Variants in VEGFC observed in about 807,000 individuals in gnomAD.
The protein encoded by VEGFC is vascular endothelial growth factor C.
VEGFC carries 12 observed loss-of-function variants against 46.1 expected under a neutral mutation model. The ratio of observed to expected loss-of-function variants is 0.26; its 90% CI spans 0.17 to 0.42. The LOEUF (loss-of-function observed/expected upper bound fraction) is 0.42, where lower values mean the gene tolerates loss of function less well. VEGFC is among the 10% of genes least tolerant of loss of function. The pLI is 1.00. For missense variants in VEGFC, 488 were observed against 529.4 expected (o/e 0.92, Z 0.77); for synonymous variants, 232 against 195.5 (o/e 1.19, Z -1.56).
chr4:176,687,933 G>A lies in VEGFC; in HGVS notation c.705-6C>T, dbSNP rs1406404035. 1.9e-6 allele frequency: 3 copies of A among 1,587,940 alleles called. No individual in the cohort carries two copies. The highest frequency in any genetic ancestry group is 2.2e-5 in the East Asian group (1 of 44,564). On this transcript the variant is annotated splice_region_variant and splice_polypyrimidine_tract_variant and intron_variant, in intron 4 of 6. Transcript: ENST00000618562. The stretch of plus-strand genomic sequence containing the variant: ...TCTTGTTCGCTGCCTGACACCTTTG[G>A]AAGAAACAGACGAGGTTTAGCAATG...
intron 2 of VEGFC, among the ~76,000 whole-genome samples, chr4:176,728,981 A>G (rs894955247): frequency 6.6e-6 from 1 of 152,160 alleles, no homozygotes; most frequent in African/African-American, 2.4e-5. Flanking sequence ...GATTACAGAC[A>G]TGAACCTCTG....
At chr4:176,791,498 AAACTT>A (rs1392006272) in intron 1 of VEGFC, among the ~76,000 whole-genome samples, 2 of 148,794 alleles carry the variant, frequency 1.3e-5, no homozygotes, top group Non-Finnish European at 3.0e-5. Context: ...AGAAAAAAAA[AAACTT>A]AGTTTGCAGT....
intron 1 of VEGFC, among the ~76,000 whole-genome samples, chr4:176,785,805 T>C (rs1253838779): frequency 8.5e-5 from 13 of 152,230 alleles, no homozygotes; most frequent in Admixed American, 7.8e-4. Context: ...TGAAGAACTA[T>C]TAAGCGGTGT....
At chr4:176,776,846 T>C (rs901661767) in intron 1 of VEGFC, among the ~76,000 whole-genome samples, 7 of 152,372 alleles carry the variant, frequency 4.6e-5, no homozygotes, top group Non-Finnish European at 7.3e-5. Context: ...AATGAACAAC[T>C]TAGACATGCT....
chr4:176,759,203 G>T (rs1735485110), intron 1 of VEGFC, among the ~76,000 whole-genome samples: 1 of 151,962 alleles, frequency 6.6e-6, no homozygotes, highest in Non-Finnish European at 1.5e-5. Flanking sequence ...CTACCCTTTG[G>T]AAAGACTTCT....
chr4:176,684,537 C>T (rs1284085891), intron 6 of VEGFC, among the ~76,000 whole-genome samples: 5 of 152,228 alleles, frequency 3.3e-5, no homozygotes, highest in Admixed American at 2.0e-4. Context: ...GGCTGCATGA[C>T]GGTGACTAAC....
intron 1 of VEGFC, among the ~76,000 whole-genome samples, chr4:176,743,212 C>T (rs1735205214): frequency 1.3e-5 from 2 of 151,910 alleles, no homozygotes; most frequent in Non-Finnish European, 2.9e-5. Flanking sequence ...TGTGATAGGC[C>T]ATCTGCATTC....
intron 6 of VEGFC, 69 bp downstream of exon 6, chr4:176,687,118 G>GA: frequency 6.7e-7 from 1 of 1,502,996 alleles, no homozygotes; most frequent in East Asian, 2.3e-5. Context: ...CTTTGGTTAA[G>GA]AAAACTGCTT....
In VEGFC at chr4:176,729,739, G is replaced by A. The variant is rs777500705; in HGVS notation, c.155C>T (p.Ala52Val). ...EPDAGEATAY[A>V]SKDLEEQLRS... The stretch of plus-strand genomic sequence containing the variant: ...TAACTGCTCCTCCAGATCTTTGCTT[G>A]CATAAGCCTGTCAAAGAAAAATGCA... Residue 52 changes from alanine (A) to valine (V), a missense_variant, in exon 2 of 7, where the codon GCA becomes GTA. Ala to Val is a moderately conservative substitution (Grantham distance 64). Coordinates refer to ENST00000618562, the MANE Select transcript of VEGFC (RefSeq NM_005429.5). 6.4e-7 allele frequency: 1 copy of A among 1,573,082 alleles called. No homozygotes were observed. The highest frequency in any genetic ancestry group is 1.2e-5 in the South Asian group (1 of 84,912).
chr4:176,781,591 C>A (rs1193888457), intron 1 of VEGFC, among the ~76,000 whole-genome samples: 1 of 152,146 alleles, frequency 6.6e-6, no homozygotes, highest in Non-Finnish European at 1.5e-5. Flanking sequence ...TATAGGAATT[C>A]AATCACAGGA....
chr4:176,734,175 A>T (rs151045943), intron 1 of VEGFC, among the ~76,000 whole-genome samples: 130 of 151,896 alleles, frequency 8.6e-4, no homozygotes, highest in African/African-American at 3.0e-3. Context: ...TCCATTTATA[A>T]GACAGTGAGT....
intron 1 of VEGFC, among the ~76,000 whole-genome samples, chr4:176,782,201 T>C (rs6841152): frequency 0.054 from 8,200 of 152,292 alleles, 436 homozygotes; most frequent in African/African-American, 0.12. Flanking sequence ...GAACAGCGGC[T>C]CATGCCTGTA....
At chr4:176,732,019 T>C (rs760375741) in intron 1 of VEGFC, among the ~76,000 whole-genome samples, 31 of 151,910 alleles carry the variant, frequency 2.0e-4, no homozygotes, top group Non-Finnish European at 3.8e-4. Flanking sequence ...ATATTTATAC[T>C]CTTAGGCTGA....
At chr4:176,717,693 T>C (rs1441775920) in intron 3 of VEGFC, among the ~76,000 whole-genome samples, 3 of 152,062 alleles carry the variant, frequency 2.0e-5, no homozygotes, top group African/African-American at 7.2e-5. Flanking sequence ...AGAACAAATC[T>C]CACTACCATA....
At chr4:176,766,586 C>CAA (rs34010850) in intron 1 of VEGFC, among the ~76,000 whole-genome samples, 73 of 137,524 alleles carry the variant, frequency 5.3e-4, no homozygotes, top group African/African-American at 1.9e-3. Flanking sequence ...CACTCTGTCT[C>CAA]AAAAAAAAAA....
At chr4:176,694,260 G>T (rs1450692383) in intron 4 of VEGFC, among the ~76,000 whole-genome samples, 1 of 150,298 alleles carries the variant, frequency 6.7e-6, no homozygotes, top group Non-Finnish European at 1.5e-5. Flanking sequence ...ACACACATAG[G>T]CTCAAAATAA....
intron 1 of VEGFC, among the ~76,000 whole-genome samples, chr4:176,736,278 C>A (rs925576511): frequency 6.6e-6 from 1 of 151,712 alleles, no homozygotes; most frequent in Non-Finnish European, 1.5e-5. Context: ...GTATAAATAT[C>A]CTATAGGTAA....
chr4:176,697,806 TA>T (rs1226344105), intron 4 of VEGFC, among the ~76,000 whole-genome samples: 1 of 140,210 alleles, frequency 7.1e-6, no homozygotes, highest in Non-Finnish European at 1.6e-5. Flanking sequence ...TATGCAGCCA[TA>T]AAAAATGATG....
intron 3 of VEGFC, among the ~76,000 whole-genome samples, chr4:176,716,826 C>G (rs1383775136): frequency 6.6e-6 from 1 of 151,936 alleles, no homozygotes; most frequent in Non-Finnish European, 1.5e-5. Flanking sequence ...CCAAACATAT[C>G]AATGTTTGAA....
Sources: allele counts gnomAD v4.1 joint callset (sites outside exome capture counted in the v4.1 genomes callset), GRCh38; gene constraint gnomAD v4.1.1; transcripts MANE v1.5; gene names NCBI Gene and HGNC (gene_info 2026-07-23, HGNC 2026-07-21).